PLEKHM1: variants seen among roughly 807,000 people sequenced by gnomAD.
PLEKHM1 encodes pleckstrin homology domain-containing family M member 1.
Under a neutral mutation model 94.3 loss-of-function variants are expected in PLEKHM1, and 28 were observed. That is an observed-to-expected ratio of 0.30 (90% CI 0.22 to 0.41). PLEKHM1 has a LOEUF of 0.41. Among genes scored for constraint, PLEKHM1 ranks in the 10% least tolerant of loss-of-function variants. The probability of loss-of-function intolerance (pLI) is 1.00; values close to 1 mark genes in which losing one functional copy is unlikely to be tolerated. For missense variants in PLEKHM1, 907 were observed against 1,358.6 expected (o/e 0.67, Z 5.22); for synonymous variants, 424 against 581.2 (o/e 0.73, Z 3.89).
At chr17:45,451,071 A>G (rs2145205777) in intron 7 of PLEKHM1, among the ~76,000 whole-genome samples, 1 of 150,614 alleles carries the variant, frequency 6.6e-6, no homozygotes, top group East Asian at 1.9e-4. Context: ...GGCTGGTTCC[A>G]GAGCCTGAGT....
chr17:45,436,399 G>A lies in PLEKHM1; in HGVS notation c.*1459C>T, dbSNP rs1300946617. On this transcript the variant is annotated 3_prime_UTR_variant, in exon 12 of 12. Coordinates refer to ENST00000430334, the MANE Select transcript of PLEKHM1 (RefSeq NM_014798.3). ...TGCCTGCCACCGTTGCCTCTGTTCT[G>A]CTGCACAGGCATCCAGCTCCAAGGC... 2.2e-6 allele frequency: 1 copy of A among 454,030 alleles called. No individual in the cohort carries two copies. The highest frequency in any genetic ancestry group is 1.6e-5 in the South Asian group (1 of 64,472). The allele number at this position is 454,030 out of a possible 1,614,324, so 28.1% of individuals were successfully genotyped here. A position where few individuals can be genotyped will look rare whatever the true frequency, so the allele number is the denominator to read the frequency against.
At chr17:45,466,840 G>C (rs2959992) in intron 5 of PLEKHM1, among the ~76,000 whole-genome samples, 18,889 of 150,904 alleles carry the variant, frequency 0.13, 1,502 homozygotes, top group Middle Eastern at 0.21. Flanking sequence ...TCTATTAAAG[G>C]TAAACATAAG....
chr17:45,445,512 A>G lies in PLEKHM1; in HGVS notation c.2795T>C (p.Leu932Pro). 3 of 1,613,906 alleles carry G rather than the reference A, an allele frequency of 1.9e-6. No individual in the cohort carries two copies. The highest frequency in any genetic ancestry group is 2.5e-6 in the Non-Finnish European group (3 of 1,179,878). Reference sequence around the variant, plus strand: ...CAGGGCGCCACTCCGGCACAGGCCCAGGTAATCCCCCAGGAGCTTCAGCTG... The same window carrying G: ...CAGGGCGCCACTCCGGCACAGGCCCGGGTAATCCCCCAGGAGCTTCAGCTG... ...REQLKLLGDY[L>P]GLCRSGALKE... is the part of the protein sequence containing the mutation. Residue 932 changes from leucine (L) to proline (P), a missense_variant, in exon 9 of 12, where the codon CTG becomes CCG. Around this residue, in one of 3 missense-constraint regions of PLEKHM1, gnomAD observed 254 missense variants for 451.1 expected, o/e 0.56. Coordinates refer to ENST00000430334, the MANE Select transcript of PLEKHM1 (RefSeq NM_014798.3). This position sits in a 1 kb window ranked among gnomAD's most constrained non-coding sequence, Gnocchi z 4.2.
In PLEKHM1 at chr17:45,437,545, G is replaced by A. The variant is rs1229581352; in HGVS notation, c.*313C>T. ...CAAGTCCCCTTTCCACAGTGTTTGG[G>A]CAGCCCTAACGGAGGCGCCGGGACG... is the stretch of plus-strand genomic sequence containing the variant. On this transcript the variant is annotated 3_prime_UTR_variant, in exon 12 of 12. Coordinates refer to ENST00000430334, the MANE Select transcript of PLEKHM1 (RefSeq NM_014798.3). The surrounding 1 kb of genome is among the most constrained non-coding windows in gnomAD (Gnocchi z 4.0). 5 of 606,958 alleles carry A rather than the reference G, an allele frequency of 8.2e-6. No individual in the cohort carries two copies. The East Asian group carries it at 1.8e-4, about 22-fold the overall frequency. The allele number at this position is 606,958 out of a possible 1,614,324, so 37.6% of individuals were successfully genotyped here. A position where few individuals can be genotyped will look rare whatever the true frequency, so the allele number is the denominator to read the frequency against.
intron 10 of PLEKHM1, 85 bp downstream of exon 10, chr17:45,440,078 C>T: frequency 7.9e-7 from 1 of 1,262,558 alleles, no homozygotes; most frequent in African/African-American, 1.5e-5. Context: ...AAACTACAGA[C>T]ACCCCCTCTT....
chr17:45,443,219 C>T (rs543002767), intron 9 of PLEKHM1, among the ~76,000 whole-genome samples: 8 of 152,180 alleles, frequency 5.3e-5, no homozygotes, highest in African/African-American at 1.7e-4. Flanking sequence ...CTCCTCTGGC[C>T]CCTGCCAAGG....
intron 1 of PLEKHM1, 112 bp from the exon 2 acceptor site, chr17:45,482,637 A>T: frequency 4.2e-6 from 3 of 710,226 alleles, no homozygotes; most frequent in Non-Finnish European, 7.8e-6. Flanking sequence ...TGCAACCAAA[A>T]AGGCCTTTGC....
intron 7 of PLEKHM1, among the ~76,000 whole-genome samples, chr17:45,451,443 G>A (rs1460040602): frequency 1.3e-5 from 2 of 152,164 alleles, no homozygotes; most frequent in Admixed American, 1.3e-4. Flanking sequence ...CTGAACATGT[G>A]CCCTAACTCC....
chr17:45,461,526 C>T (rs1365834470), intron 5 of PLEKHM1, among the ~76,000 whole-genome samples: 1 of 152,194 alleles, frequency 6.6e-6, no homozygotes, highest in African/African-American at 2.4e-5. Context: ...TTAGCTCTTA[C>T]ATTTAGGTTT....
chr17:45,468,957 T>A (rs889926496), intron 4 of PLEKHM1, among the ~76,000 whole-genome samples: 1 of 151,438 alleles, frequency 6.6e-6, no homozygotes, highest in East Asian at 1.9e-4. Flanking sequence ...TGGGCAATCG[T>A]TTCCCCAAAC....
chr17:45,490,335 G>A (rs529709700), intron 1 of PLEKHM1, among the ~76,000 whole-genome samples: 39 of 152,244 alleles, frequency 2.6e-4, no homozygotes, highest in African/African-American at 8.7e-4. Context: ...GGACGTGGCC[G>A]AGATCGGTGT....
chr17:45,472,985 C>A (rs1368822774), intron 4 of PLEKHM1, among the ~76,000 whole-genome samples: 1 of 152,090 alleles, frequency 6.6e-6, no homozygotes, highest in Non-Finnish European at 1.5e-5. Flanking sequence ...ATAAGAAGTT[C>A]CCATTTTCCA....
chr17:45,478,182 G>C, intron 2 of PLEKHM1, 35 bp from the exon 3 acceptor site: 1 of 1,613,888 alleles, frequency 6.2e-7, no homozygotes, highest in Non-Finnish European at 8.5e-7. Context: ...GGCCTTTAGC[G>C]GAAAATCCTA....
At chr17:45,452,756 A>G (rs534472380) in intron 7 of PLEKHM1, 37 of 165,908 alleles carry the variant, frequency 2.2e-4, no homozygotes, top group Admixed American at 1.0e-3. Context: ...TCAACACAGC[A>G]GCCAAGAGCC....
chr17:45,479,391 G>A (rs970917780), intron 2 of PLEKHM1, among the ~76,000 whole-genome samples: 2 of 152,140 alleles, frequency 1.3e-5, no homozygotes, highest in East Asian at 1.9e-4. Context: ...TGGTGGCAGC[G>A]CCTGTAGTCC....
intron 1 of PLEKHM1, among the ~76,000 whole-genome samples, chr17:45,488,920 CA>C (rs780897807): frequency 6.6e-6 from 1 of 152,058 alleles, no homozygotes; most frequent in Non-Finnish European, 1.5e-5. Context: ...GGCTGGGGAA[CA>C]AGAGTAAACT....
At chr17:45,440,133 G>T (rs1268788985) in intron 10 of PLEKHM1, 30 bp downstream of exon 10, 3 of 1,597,878 alleles carry the variant, frequency 1.9e-6, no homozygotes, top group Non-Finnish European at 2.6e-6. Context: ...CTCTCTAGAG[G>T]TCTGGGCGGG....
intron 6 of PLEKHM1, chr17:45,454,575 C>T (rs1468693125): frequency 3.5e-6 from 2 of 565,492 alleles, no homozygotes; most frequent in East Asian, 6.0e-5. Flanking sequence ...AGGGATGAAC[C>T]AAGTGTGCTT....
chr17:45,460,481 C>G (rs2051119711), intron 5 of PLEKHM1: 1 of 152,288 alleles, frequency 6.6e-6, no homozygotes, highest in Non-Finnish European at 1.5e-5. Flanking sequence ...TCTTGAACTC[C>G]TGACCTCAGG....
Sources: allele counts gnomAD v4.1 joint callset (sites outside exome capture counted in the v4.1 genomes callset), GRCh38; gene constraint gnomAD v4.1.1; regional missense constraint gnomAD v4.1.1; non-coding constraint Gnocchi (gnomAD v3.1); transcripts MANE v1.5; gene names NCBI Gene and HGNC (gene_info 2026-07-23, HGNC 2026-07-21).